Variants in NUFIP1 observed in about 807,000 individuals in gnomAD.
NUFIP1 encodes the protein FMR1-interacting protein NUFIP1.
In NUFIP1, 38 loss-of-function variants were observed where a neutral mutation model predicts 56.2. That is an observed-to-expected ratio of 0.68 (90% CI 0.52 to 0.89). The LOEUF is 0.89. Among genes scored for constraint, NUFIP1 ranks in the 40% least tolerant of loss-of-function variants. The probability of loss-of-function intolerance (pLI) is 0.00; values close to 1 mark genes in which losing one functional copy is unlikely to be tolerated. For synonymous variants in NUFIP1, 215 were observed against 212.4 expected, an observed-to-expected ratio of 1.01 and a Z score of -0.10; for missense variants, 567 against 605.8, an observed-to-expected ratio of 0.94 and a Z score of 0.67.
intron 5 of NUFIP1, among the ~76,000 whole-genome samples, chr13:44,974,862 G>A (rs1182777102): frequency 3.3e-5 from 5 of 152,200 alleles, no homozygotes; most frequent in Admixed American, 3.3e-4. Context: ...GAGTGACAAA[G>A]GCAATCAATC....
At chr13:44,957,298 A>T (rs1337654086) in intron 7 of NUFIP1, among the ~76,000 whole-genome samples, 2 of 151,968 alleles carry the variant, frequency 1.3e-5, no homozygotes, top group East Asian at 3.9e-4. Context: ...TGCAACCTCC[A>T]CCTCGGGGGT....
At chr13:44,978,651 T>C (rs1185348404) in intron 5 of NUFIP1, among the ~76,000 whole-genome samples, 2 of 152,190 alleles carry the variant, frequency 1.3e-5, no homozygotes, top group African/African-American at 4.8e-5. Context: ...GATCTTCTCA[T>C]TGTTAAGAAC....
At chr13:44,967,965 T>G (rs1871668862) in intron 5 of NUFIP1, among the ~76,000 whole-genome samples, 1 of 152,196 alleles carries the variant, frequency 6.6e-6, no homozygotes, top group African/African-American at 2.4e-5. Flanking sequence ...CTGCCTTTTT[T>G]TTTTTAACAT....
At chr13:44,978,373 T>G (rs1218745616) in intron 5 of NUFIP1, among the ~76,000 whole-genome samples, 1 of 152,130 alleles carries the variant, frequency 6.6e-6, no homozygotes, top group Non-Finnish European at 1.5e-5. Flanking sequence ...GTTCTTCTTG[T>G]TTTCATCCCA....
intron 5 of NUFIP1, among the ~76,000 whole-genome samples, chr13:44,970,123 T>C (rs901910353): frequency 2.0e-5 from 3 of 152,200 alleles, no homozygotes; most frequent in Non-Finnish European, 4.4e-5. Context: ...AAGCAAGGTT[T>C]TGGAAACAAA....
Position 44,965,955 on chromosome 13 carries a change from T to C in NUFIP1, c.735-19A>G. 1 of 1,401,608 alleles carries C rather than the reference T, an allele frequency of 7.1e-7. No individual in the cohort carries two copies. The allele number at this position is 1,401,608 out of a possible 1,614,324, so 86.8% of individuals were successfully genotyped here. ...ATAGTTTCTAGAAAATAATAAAAGTTAATTATAATAGGGCTTTTAGAGTAC... is the reference window on the plus strand; with the variant it reads ...ATAGTTTCTAGAAAATAATAAAAGTCAATTATAATAGGGCTTTTAGAGTAC... On this transcript the variant is annotated intron_variant, in intron 5 of 9. Coordinates refer to ENST00000379161, the MANE Select transcript of NUFIP1 (RefSeq NM_012345.3).
intron 9 of NUFIP1, among the ~76,000 whole-genome samples, chr13:44,942,414 A>G (rs1316384527): frequency 2.0e-5 from 3 of 152,204 alleles, no homozygotes; most frequent in Non-Finnish European, 4.4e-5. Flanking sequence ...TACCAATTAT[A>G]AGGTAACTTT....
chr13:44,989,393 T>G lies in NUFIP1; in HGVS notation c.44A>C (p.His15Pro). Residue 15 changes from histidine (H) to proline (P), a missense_variant, in exon 1 of 10, where the codon CAT (histidine) becomes CCT (proline). Physicochemically the swap from His to Pro is moderately conservative, Grantham distance 77. Coordinates refer to ENST00000379161, the MANE Select transcript of NUFIP1 (RefSeq NM_012345.3). The stretch of plus-strand genomic sequence containing the variant: ...CGTGGGAGTCAGCTCGGGAGACGCA[T>G]GCCACCCGATAGGAGTCTCGAAATC... ...TSDFETPIGW[H>P]ASPELTPTLG... 1 of 1,613,628 alleles carries G rather than the reference T, an allele frequency of 6.2e-7. No homozygotes were observed. The highest frequency in any genetic ancestry group is 2.2e-5 in the East Asian group (1 of 44,846).
intron 7 of NUFIP1, among the ~76,000 whole-genome samples, chr13:44,953,319 T>C (rs963215004): frequency 1.2e-4 from 18 of 152,250 alleles, no homozygotes; most frequent in South Asian, 8.3e-4. Context: ...ATAACAAATA[T>C]TGTTTCATTT....
At position 44,989,466 on chromosome 13, in the gene NUFIP1, G is replaced by C; in HGVS notation, c.-30C>G. On this transcript the variant is annotated 5_prime_UTR_variant, in exon 1 of 10. Transcript: ENST00000379161. ...CTGGCGGGTCCGGAGTCTAGCACGC[G>C]ACTGTGGAGCAAGCATTAGGCGTCA... 1.9e-6 allele frequency: 3 copies of C among 1,609,402 alleles called. No homozygotes were observed. The highest frequency in any genetic ancestry group is 2.5e-6 in the Non-Finnish European group (3 of 1,177,656).
At chr13:44,976,389 G>A (rs1871980523) in intron 5 of NUFIP1, among the ~76,000 whole-genome samples, 1 of 150,012 alleles carries the variant, frequency 6.7e-6, no homozygotes, top group Non-Finnish European at 1.5e-5. Context: ...GTGAAGGTGA[G>A]GAGGAGGAGG....
rs79170541 is a variant in NUFIP1 at position 44,962,525 on chromosome 13, G to C, written c.828-2951C>G. On this transcript the variant is annotated intron_variant, in intron 6 of 9. Coordinates refer to ENST00000379161, the MANE Select transcript of NUFIP1 (RefSeq NM_012345.3). ...CATAATGACATTTTGATCAACAATG[G>C]ACCACATATATGACAGTAGTCCTAT... Among the ~76,000 whole-genome samples, 652 of 152,208 alleles carry C rather than the reference G, an allele frequency of 4.3e-3. 2 individuals are homozygous for C. The highest frequency in any genetic ancestry group is 0.015 in the African/African-American group (604 of 41,524).
intron 7 of NUFIP1, among the ~76,000 whole-genome samples, chr13:44,956,877 C>A (rs770365470): frequency 6.6e-6 from 1 of 152,062 alleles, no homozygotes; most frequent in Non-Finnish European, 1.5e-5. Context: ...GGGTTAAGAA[C>A]CCCTGGTCTA....
intron 6 of NUFIP1, among the ~76,000 whole-genome samples, chr13:44,963,307 T>C (rs1456805883): frequency 6.6e-6 from 1 of 152,208 alleles, no homozygotes; most frequent in African/African-American, 2.4e-5. Flanking sequence ...CTATTCTAAG[T>C]GGTATCTTTT....
At chr13:44,956,584 T>G in intron 7 of NUFIP1, among the ~76,000 whole-genome samples, 1 of 152,300 alleles carries the variant, frequency 6.6e-6, no homozygotes, top group Non-Finnish European at 1.5e-5. Flanking sequence ...CTTGGGATGA[T>G]GGGAGACAGT....
Position 44,940,993 on chromosome 13 carries a change from TCCCAA to T in NUFIP1, c.*208_*212del, listed in dbSNP as rs2137887580. On this transcript the variant is annotated 3_prime_UTR_variant, in exon 10 of 10. Coordinates refer to ENST00000379161, the MANE Select transcript of NUFIP1 (RefSeq NM_012345.3). Reference sequence around the variant, plus strand: ...TTCTCCCAGCAAATACTAGATTCAATCCCAACAATACAGACACAGTCTTAAAAAAT... The same window carrying T: ...TTCTCCCAGCAAATACTAGATTCAATCAATACAGACACAGTCTTAAAAAAT... The T allele has an allele frequency of 1.6e-5, 6 of 384,922 alleles. No individual in the cohort carries two copies. In the East Asian group the frequency reaches 2.5e-4, roughly 16 times the overall value. 23.8% of individuals were successfully genotyped at this position (384,922 alleles called of 1,614,324 possible). A position where few individuals can be genotyped will look rare whatever the true frequency, so the allele number is the denominator to read the frequency against.
chr13:44,947,215 CAGCTTGCCA>C (rs1272551247), intron 8 of NUFIP1, among the ~76,000 whole-genome samples: 5 of 150,620 alleles, frequency 3.3e-5, no homozygotes, highest in Admixed American at 6.6e-5. Flanking sequence ...TGCTACATAC[CAGCTTGCCA>C]AGCTTATTCC....
chr13:44,943,393 T>C, intron 9 of NUFIP1, 49 bp downstream of exon 9: 1 of 1,529,872 alleles, frequency 6.5e-7, no homozygotes, highest in African/African-American at 1.4e-5. Context: ...TGGCTCTATC[T>C]TTATGATGTG....
At chr13:44,973,406 T>C (rs1019365090) in intron 5 of NUFIP1, among the ~76,000 whole-genome samples, 4 of 152,218 alleles carry the variant, frequency 2.6e-5, no homozygotes, top group African/African-American at 9.6e-5. Context: ...TCAAACATGA[T>C]TTATAAATAC....
Sources: gnomAD v4.1 joint callset for allele counts (sites outside exome capture counted in the v4.1 genomes callset) on GRCh38, gnomAD v4.1.1 for gene constraint, MANE v1.5 for transcripts, NCBI Gene and HGNC (gene_info 2026-07-23, HGNC 2026-07-21) for gene names.